Variants in ELMO1 observed in about 807,000 individuals in gnomAD.
ELMO1 encodes the protein engulfment and cell motility protein 1.
A neutral mutation model predicts 98.9 loss-of-function variants in ELMO1; 26 were observed. The ratio of observed to expected loss-of-function variants is 0.26; its 90% CI spans 0.19 to 0.36. The LOEUF is 0.36. Ranked by LOEUF, ELMO1 falls within the 10% of genes least tolerant of loss-of-function variation. The pLI is 1.00. For missense variants in ELMO1, 627 were observed against 935.2 expected (o/e 0.67, Z 4.30); for synonymous variants, 346 against 346.0 (o/e 1.00, Z 0.00).
At chr7:37,133,263 T>A in intron 13 of ELMO1, 29 bp from the exon 14 acceptor site, 1 of 1,569,382 alleles carries the variant, frequency 6.4e-7, no homozygotes, top group Non-Finnish European at 8.7e-7. Context: ...CATGATAAGG[T>A]GAATTCTTCA....
intron 14 of ELMO1, among the ~76,000 whole-genome samples, chr7:37,109,122 G>T (rs1054466613): frequency 6.6e-6 from 1 of 152,110 alleles, no homozygotes; most frequent in Non-Finnish European, 1.5e-5. Context: ...ATACAAGCTG[G>T]GGGGAAAACT....
intron 4 of ELMO1, among the ~76,000 whole-genome samples, chr7:37,290,039 C>T (rs73110859): frequency 1.4e-3 from 209 of 152,278 alleles, no homozygotes; most frequent in Middle Eastern, 6.8e-3. Flanking sequence ...GGGAAAGCCA[C>T]GCTAATTCAA....
chr7:37,390,066 A>T (rs915647150), intron 1 of ELMO1, among the ~76,000 whole-genome samples: 50 of 152,194 alleles, frequency 3.3e-4, no homozygotes, highest in African/African-American at 1.2e-3. Context: ...AATCAAAAGA[A>T]CAAGAAATGT....
intron 4 of ELMO1, among the ~76,000 whole-genome samples, chr7:37,305,236 A>T (rs187323044): frequency 6.6e-6 from 1 of 152,356 alleles, no homozygotes. Flanking sequence ...AATTTTGAGT[A>T]CATTATCTCT....
intron 2 of ELMO1, among the ~76,000 whole-genome samples, chr7:37,322,337 T>A (rs550865337): frequency 1.4e-4 from 22 of 152,056 alleles, no homozygotes; most frequent in Admixed American, 1.3e-3. Flanking sequence ...AATTAAAGGC[T>A]GGATGTGGTG....
At chr7:37,332,195 T>C (rs1197490583) in intron 2 of ELMO1, among the ~76,000 whole-genome samples, 3 of 152,240 alleles carry the variant, frequency 2.0e-5, no homozygotes, top group African/African-American at 7.2e-5. Flanking sequence ...CACAAAGATT[T>C]TCCTAAAGCC....
chr7:37,050,723 T>G (rs888683842), intron 15 of ELMO1, among the ~76,000 whole-genome samples: 12 of 151,476 alleles, frequency 7.9e-5, no homozygotes, highest in African/African-American at 2.9e-4. Flanking sequence ...ACTATGTATA[T>G]GTATTTCAAA....
intron 13 of ELMO1, among the ~76,000 whole-genome samples, chr7:37,179,480 T>C (rs1790709751): frequency 6.6e-6 from 1 of 152,150 alleles, no homozygotes; most frequent in African/African-American, 2.4e-5. Flanking sequence ...GATTTCACTA[T>C]GTTGCCCAGG....
At chr7:37,315,037 A>G in intron 3 of ELMO1, 115 bp from the exon 4 acceptor site, 2 of 833,902 alleles carry the variant, frequency 2.4e-6, no homozygotes, top group African/African-American at 1.7e-5. Context: ...ACCAATCCCA[A>G]CATATACCAC....
At chr7:37,186,878 G>A (rs938414671) in intron 13 of ELMO1, among the ~76,000 whole-genome samples, 1 of 152,160 alleles carries the variant, frequency 6.6e-6, no homozygotes, top group Non-Finnish European at 1.5e-5. Flanking sequence ...ATTGGTGCAA[G>A]CACTTTGGAA....
At chr7:37,075,426 G>A (rs1393788118) in intron 15 of ELMO1, among the ~76,000 whole-genome samples, 13 of 151,826 alleles carry the variant, frequency 8.6e-5, no homozygotes, top group Non-Finnish European at 5.9e-5. Context: ...AAGTGCTAGG[G>A]TTACAGGCGT....
At chr7:37,379,046 CT>C (rs59317031) in intron 1 of ELMO1, among the ~76,000 whole-genome samples, 38,891 of 147,488 alleles carry the variant, frequency 0.26, 5,245 homozygotes, top group Non-Finnish European at 0.32. Flanking sequence ...CATTCTTCTT[CT>C]TTTTTTTTTT....
At chr7:37,184,163 T>TC (rs1451501039) in intron 13 of ELMO1, among the ~76,000 whole-genome samples, 1 of 152,270 alleles carries the variant, frequency 6.6e-6, no homozygotes, top group African/African-American at 2.4e-5. Flanking sequence ...TGGATTCTTT[T>TC]CCAGATATTA....
chr7:37,447,732 ACACACACACAC>A (rs1805695313), intron 1 of ELMO1, among the ~76,000 whole-genome samples: 1 of 147,636 alleles, frequency 6.8e-6, no homozygotes, highest in Non-Finnish European at 1.5e-5. Flanking sequence ...ACACACACAC[ACACACACACAC>A]ACACACGCCG....
At chr7:37,005,798 C>T (rs1007731374) in intron 16 of ELMO1, among the ~76,000 whole-genome samples, 2 of 151,842 alleles carry the variant, frequency 1.3e-5, no homozygotes, top group African/African-American at 4.8e-5. Context: ...TCAGTGTTGC[C>T]ATGAGCATCC....
intron 6 of ELMO1, 38 bp from the exon 7 acceptor site, chr7:37,244,429 TAA>T (rs775279320): frequency 1.4e-5 from 23 of 1,602,614 alleles, no homozygotes; most frequent in Non-Finnish European, 1.7e-5. Flanking sequence ...GGAGCATACT[TAA>T]AAGCAACAAT....
At chr7:37,221,933 A>G (rs564699415) in intron 10 of ELMO1, among the ~76,000 whole-genome samples, 1 of 152,200 alleles carries the variant, frequency 6.6e-6, no homozygotes, top group Admixed American at 6.5e-5. Flanking sequence ...CCTGACCTCA[A>G]GTGATCTGCC....
chr7:37,318,188 T>C (rs1362383015), intron 2 of ELMO1, among the ~76,000 whole-genome samples: 1 of 152,154 alleles, frequency 6.6e-6, no homozygotes, highest in Admixed American at 6.5e-5. Context: ...GAGGAACAAA[T>C]GTGTTCGCTC....
intron 13 of ELMO1, among the ~76,000 whole-genome samples, chr7:37,186,869 T>C (rs190813713): frequency 6.6e-6 from 1 of 152,292 alleles, no homozygotes; most frequent in Non-Finnish European, 1.5e-5. Context: ...AGCATATACA[T>C]TGGTGCAAGC....
Sources: allele counts gnomAD v4.1 joint callset (sites outside exome capture counted in the v4.1 genomes callset), GRCh38; gene constraint gnomAD v4.1.1; transcripts MANE v1.5; gene names NCBI Gene and HGNC (gene_info 2026-07-23, HGNC 2026-07-21).